Variants in HPSE2 observed in about 807,000 individuals in gnomAD.
HPSE2 encodes the protein heparanase 2 (inactive), also known as inactive heparanase-2.
In HPSE2, 38 loss-of-function variants were observed where a neutral mutation model predicts 60.5. That is an observed-to-expected ratio of 0.63 (90% CI 0.48 to 0.82). The LOEUF is 0.82. Ranked by LOEUF, HPSE2 falls within the 40% of genes least tolerant of loss-of-function variation. The pLI is 0.00. For missense variants in HPSE2, 713 were observed against 740.4 expected, an observed-to-expected ratio of 0.96 and a Z score of 0.43; for synonymous variants, 295 against 293.2, an observed-to-expected ratio of 1.01 and a Z score of -0.06.
chr10:99,213,998 C>T (rs1389963625), intron 2 of HPSE2, among the ~76,000 whole-genome samples: 1 of 152,066 alleles, frequency 6.6e-6, no homozygotes, highest in Non-Finnish European at 1.5e-5. Context: ...AAAACTCTTA[C>T]AACTCAATAA....
At chr10:98,704,285 AT>A (rs1948487275) in intron 5 of HPSE2, among the ~76,000 whole-genome samples, 1 of 152,226 alleles carries the variant, frequency 6.6e-6, no homozygotes, top group Non-Finnish European at 1.5e-5. Flanking sequence ...AAAACATTCC[AT>A]CCTCATGGAT....
chr10:98,618,735 C>T (rs1945991237), intron 8 of HPSE2, among the ~76,000 whole-genome samples: 2 of 152,168 alleles, frequency 1.3e-5, no homozygotes, highest in African/African-American at 2.4e-5. Flanking sequence ...TGCCACCATG[C>T]CCGGCTAAGT....
the HPSE2 span, among the ~76,000 whole-genome samples, chr10:99,245,065 C>T: frequency 6.6e-6 from 1 of 151,962 alleles, no homozygotes; most frequent in East Asian, 1.9e-4. Flanking sequence ...TTTGATCAGA[C>T]ACTTAAATTT....
At chr10:99,308,398 G>GAAAAAAAAAAAAAAAAAAA in the HPSE2 span, among the ~76,000 whole-genome samples, 72 of 56,436 alleles carry the variant, frequency 1.3e-3, no homozygotes, top group East Asian at 3.0e-3. Context: ...AAAAAAAAAG[G>GAAAAAAAAAAAAAAAAAAA]AAACCATCAA....
chr10:99,014,491 G>C (rs909339753), intron 3 of HPSE2, among the ~76,000 whole-genome samples: 1 of 152,164 alleles, frequency 6.6e-6, no homozygotes, highest in Non-Finnish European at 1.5e-5. Flanking sequence ...TTGCTGGGTT[G>C]AAAGGTATTT....
intron 2 of HPSE2, among the ~76,000 whole-genome samples, chr10:99,184,819 T>TATATATATATACATAC (rs1554912295): frequency 1.0e-4 from 2 of 19,858 alleles, no homozygotes; most frequent in Admixed American, 6.9e-4. Flanking sequence ...TATATATATA[T>TATATATATATACATAC]AGAGAGAGAG....
At chr10:99,152,399 G>C (rs1211625286) in intron 2 of HPSE2, among the ~76,000 whole-genome samples, 1 of 151,184 alleles carries the variant, frequency 6.6e-6, no homozygotes, top group African/African-American at 2.4e-5. Flanking sequence ...CAGGTTAAAA[G>C]GCAATGATAT....
intron 2 of HPSE2, among the ~76,000 whole-genome samples, chr10:99,215,402 A>G (rs1056260603): frequency 6.6e-6 from 1 of 152,192 alleles, no homozygotes; most frequent in Admixed American, 6.5e-5. Context: ...CATAAGTGGG[A>G]GCTGAACAAC....
chr10:98,946,520 G>A (rs370198141), intron 3 of HPSE2, among the ~76,000 whole-genome samples: 16 of 150,666 alleles, frequency 1.1e-4, no homozygotes, highest in African/African-American at 3.6e-4. Context: ...TGTGACAAAT[G>A]CAACATATTA....
intron 9 of HPSE2, among the ~76,000 whole-genome samples, chr10:98,546,740 A>C (rs112225751): frequency 1.3e-5 from 2 of 150,864 alleles, no homozygotes; most frequent in Non-Finnish European, 3.0e-5. Context: ...GGACATAGGC[A>C]TGGGCAAGGA....
At chr10:98,930,020 G>T (rs920853248) in intron 3 of HPSE2, among the ~76,000 whole-genome samples, 1 of 143,442 alleles carries the variant, frequency 7.0e-6, no homozygotes, top group Non-Finnish European at 1.5e-5. Flanking sequence ...ACCTGTACAA[G>T]ATGTGCAAGT....
intron 8 of HPSE2, among the ~76,000 whole-genome samples, chr10:98,616,443 G>A (rs945066415): frequency 9.2e-5 from 14 of 152,042 alleles, no homozygotes; most frequent in Admixed American, 7.9e-4. Flanking sequence ...CAGCACACTG[G>A]GGAAAATTAC....
chr10:98,775,115 A>T (rs1950312200), intron 3 of HPSE2, among the ~76,000 whole-genome samples: 4 of 152,244 alleles, frequency 2.6e-5, no homozygotes, highest in Non-Finnish European at 4.4e-5. Flanking sequence ...TGATAAAGCC[A>T]AAGTATTAAA....
At chr10:98,697,107 C>A (rs1026125515) in intron 5 of HPSE2, among the ~76,000 whole-genome samples, 4 of 152,118 alleles carry the variant, frequency 2.6e-5, no homozygotes, top group Non-Finnish European at 4.4e-5. Context: ...TCTAAATGAT[C>A]ACAGTGCCTC....
the HPSE2 span, among the ~76,000 whole-genome samples, chr10:99,305,185 T>G: frequency 6.8e-6 from 1 of 147,910 alleles, no homozygotes; most frequent in Admixed American, 6.8e-5. Flanking sequence ...ATTGGAGACT[T>G]GACAGACTTT....
intron 3 of HPSE2, among the ~76,000 whole-genome samples, chr10:99,007,387 C>T (rs1956918915): frequency 6.6e-6 from 1 of 152,160 alleles, no homozygotes; most frequent in African/African-American, 2.4e-5. Flanking sequence ...ACTTTGCTGC[C>T]TGGAGTTGAA....
chr10:99,298,679 T>C, the HPSE2 span, among the ~76,000 whole-genome samples: 1 of 149,156 alleles, frequency 6.7e-6, no homozygotes, highest in Admixed American at 6.7e-5. Flanking sequence ...CTTTTTTTTT[T>C]TCTTTTTTTT....
intron 2 of HPSE2, among the ~76,000 whole-genome samples, chr10:99,203,731 G>C (rs1259382602): frequency 5.9e-5 from 9 of 151,958 alleles, no homozygotes; most frequent in Admixed American, 5.9e-4. Flanking sequence ...CAACCGCCAG[G>C]CTGGCCCTAG....
In HPSE2 at chr10:98,688,465, C is replaced by CTT. The variant is rs562095149; in HGVS notation, c.1004+5433_1004+5434dup. On this transcript the variant is annotated intron_variant, in intron 6 of 11. Transcript: ENST00000370552. Reference sequence around the variant, plus strand: ...GTCTGAAGAATTTCCTTTAGCATTTCTTTTTTTTTTTCTTTTTTTTTTTTT... The same window carrying CTT: ...GTCTGAAGAATTTCCTTTAGCATTTCTTTTTTTTTTTTTCTTTTTTTTTTTTT... Among the ~76,000 whole-genome samples the CTT allele has an allele frequency of 3.6e-3, 372 of 103,650 alleles. 11 individuals are homozygous for CTT. Among genetic ancestry groups the CTT allele is most frequent in the East Asian group, 6.8e-3 (24 of 3,514 alleles). 68.0% of individuals were successfully genotyped at this position (103,650 alleles called of 152,430 possible).
Sources: allele counts gnomAD v4.1 joint callset (sites outside exome capture counted in the v4.1 genomes callset), GRCh38; gene constraint gnomAD v4.1.1; transcripts MANE v1.5; gene names NCBI Gene and HGNC (gene_info 2026-07-23, HGNC 2026-07-21).